Variants in ANAPC10 observed in about 807,000 individuals in gnomAD.
The protein encoded by ANAPC10 is anaphase promoting complex subunit 10.
Under a neutral mutation model 22.0 loss-of-function variants are expected in ANAPC10, and 12 were observed. The ratio of observed to expected loss-of-function variants is 0.55; its 90% confidence interval spans 0.35 to 0.88. ANAPC10 has a LOEUF of 0.88. ANAPC10 is among the 40% of genes least tolerant of loss of function. ANAPC10 has a pLI of 0.01. For synonymous variants in ANAPC10, 65 were observed against 69.5 expected (o/e 0.94, Z 0.32); for missense variants, 188 against 220.9 (o/e 0.85, Z 0.94).
intron 2 of ANAPC10, among the ~76,000 whole-genome samples, chr4:145,095,173 A>C (rs1213831950): frequency 1.3e-5 from 2 of 152,248 alleles, no homozygotes; most frequent in Non-Finnish European, 2.9e-5. Context: ...TATTAAAATC[A>C]GACCAGTGTA....
At chr4:145,081,086 C>T (rs978750803) in intron 3 of ANAPC10, among the ~76,000 whole-genome samples, 2 of 151,940 alleles carry the variant, frequency 1.3e-5, no homozygotes, top group African/African-American at 2.4e-5. Context: ...GCTTGGCCAA[C>T]ATAGCGGCCA....
chr4:145,050,603 G>A (rs1464539744), intron 4 of ANAPC10, among the ~76,000 whole-genome samples: 1 of 152,182 alleles, frequency 6.6e-6, no homozygotes, highest in Non-Finnish European at 1.5e-5. Flanking sequence ...GTTGCTTGGT[G>A]TATCTACCCT....
intron 4 of ANAPC10, among the ~76,000 whole-genome samples, chr4:145,054,348 G>A (rs1182940714): frequency 4.1e-5 from 6 of 147,586 alleles, no homozygotes; most frequent in East Asian, 2.2e-4. Flanking sequence ...TCAGGAGATC[G>A]AGACCATCCT....
At position 145,026,924 on chromosome 4, in the gene ANAPC10, T is replaced by C. The variant is rs9684149; in HGVS notation, c.328-31321A>G. Among the ~76,000 whole-genome samples, 73 of 11,484 alleles carry C rather than the reference T, an allele frequency of 6.4e-3. 1 individual carries two copies. The highest frequency in any genetic ancestry group is 0.032 in the East Asian group (5 of 156). The allele number at this position is 11,484 out of a possible 152,430, so 7.5% of individuals were successfully genotyped here. A position where few individuals can be genotyped will look rare whatever the true frequency, so the allele number is the denominator to read the frequency against. On this transcript the variant is annotated intron_variant, in intron 4 of 4. Transcript: ENST00000507656. The stretch of plus-strand genomic sequence containing the variant: ...TGAAGTTTTTGCCTATACATACATA[T>C]ATATATATATATATATATATATGTG...
intron 3 of ANAPC10, among the ~76,000 whole-genome samples, chr4:145,066,431 G>A (rs926832450): frequency 5.3e-5 from 8 of 151,898 alleles, no homozygotes; most frequent in Admixed American, 1.3e-4. Context: ...GGAAGTAAAT[G>A]GTCTTTCTTC....
chr4:145,000,108 A>C (rs1732291962), intron 4 of ANAPC10, among the ~76,000 whole-genome samples: 1 of 152,220 alleles, frequency 6.6e-6, no homozygotes. Flanking sequence ...CCCTAGAAGA[A>C]AACCTAGGTA....
chr4:145,030,207 G>A (rs913252101), intron 4 of ANAPC10, among the ~76,000 whole-genome samples: 6 of 152,158 alleles, frequency 3.9e-5, no homozygotes, highest in African/African-American at 1.4e-4. Flanking sequence ...CTTCTAGGTC[G>A]AATGGACAAA....
chr4:145,051,065 C>T (rs1741031255), intron 4 of ANAPC10, among the ~76,000 whole-genome samples: 1 of 152,202 alleles, frequency 6.6e-6, no homozygotes, highest in African/African-American at 2.4e-5. Context: ...AAGCTTAATT[C>T]TTTCTGGCTG....
intron 4 of ANAPC10, among the ~76,000 whole-genome samples, chr4:145,047,218 T>G (rs1740438992): frequency 6.6e-6 from 1 of 152,108 alleles, no homozygotes; most frequent in South Asian, 2.1e-4. Context: ...ACCCCATGAT[T>G]AAAGCAGCAT....
chr4:145,019,374 G>A (rs952072423), intron 4 of ANAPC10, among the ~76,000 whole-genome samples: 1 of 152,080 alleles, frequency 6.6e-6, no homozygotes, highest in Non-Finnish European at 1.5e-5. Context: ...AAATCATGAT[G>A]GAAATTATAA....
intron 4 of ANAPC10, among the ~76,000 whole-genome samples, chr4:145,063,489 G>A (rs148544653): frequency 0.012 from 1,785 of 151,788 alleles, 16 homozygotes; most frequent in Non-Finnish European, 0.018. Flanking sequence ...TTAGAGACAC[G>A]GTCTTAATAT....
Position 145,094,875 on chromosome 4 carries a change from T to C in ANAPC10, c.115+1110A>G, listed in dbSNP as rs78356234. The stretch of plus-strand genomic sequence containing the variant: ...AAAGAAGATAGTGAAAGAGCATTCA[T>C]AAATTTTTGAGAGAAAAGGACTGCC... On this transcript the variant is annotated intron_variant, in intron 2 of 4. Transcript: ENST00000507656. 1.5e-3 allele frequency among the ~76,000 whole-genome samples: 226 copies of C among 151,614 alleles called. 1 individual carries two copies. The highest frequency in any genetic ancestry group is 5.1e-3 in the African/African-American group (212 of 41,408).
intron 2 of ANAPC10, among the ~76,000 whole-genome samples, chr4:145,090,599 T>C: frequency 6.6e-6 from 1 of 152,186 alleles, no homozygotes; most frequent in East Asian, 1.9e-4. Context: ...TTCCAGAATT[T>C]CCTGCTTATC....
chr4:145,050,974 C>G (rs72491773), intron 4 of ANAPC10, among the ~76,000 whole-genome samples: 1 of 152,186 alleles, frequency 6.6e-6, no homozygotes, highest in East Asian at 1.9e-4. Flanking sequence ...AGGAACTTTT[C>G]CCTTATATTC....
At chr4:145,007,054 G>A (rs757188249) in intron 4 of ANAPC10, among the ~76,000 whole-genome samples, 9 of 151,626 alleles carry the variant, frequency 5.9e-5, no homozygotes, top group East Asian at 1.9e-4. Flanking sequence ...CAAGATGGAC[G>A]AATAAGAACA....
At chr4:145,055,843 C>A (rs530447052) in intron 4 of ANAPC10, among the ~76,000 whole-genome samples, 1 of 152,104 alleles carries the variant, frequency 6.6e-6, no homozygotes, top group Admixed American at 6.6e-5. Flanking sequence ...TTCATAACCA[C>A]GTGAATACCA....
chr4:145,036,760 G>A (rs1369994455), intron 4 of ANAPC10, among the ~76,000 whole-genome samples: 2 of 151,956 alleles, frequency 1.3e-5, no homozygotes, highest in Non-Finnish European at 2.9e-5. Flanking sequence ...TAGTAAGTTA[G>A]CAAAACAAAA....
intron 4 of ANAPC10, among the ~76,000 whole-genome samples, chr4:145,027,564 C>T (rs956798446): frequency 2.6e-5 from 4 of 152,094 alleles, no homozygotes; most frequent in African/African-American, 9.7e-5. Flanking sequence ...CAATAAGGCA[C>T]AGCATCATGA....
chr4:145,065,785 GA>G (rs1743586521), intron 3 of ANAPC10, among the ~76,000 whole-genome samples: 2 of 151,790 alleles, frequency 1.3e-5, no homozygotes, highest in Non-Finnish European at 2.9e-5. Flanking sequence ...ACATTTGGGG[GA>G]AAACAACAAT....
Sources: allele counts gnomAD v4.1 joint callset (sites outside exome capture counted in the v4.1 genomes callset), GRCh38; gene constraint gnomAD v4.1.1; transcripts MANE v1.5; gene names NCBI Gene and HGNC (gene_info 2026-07-23, HGNC 2026-07-21).